Variants in SYNE1 observed in about 807,000 individuals in gnomAD.
SYNE1 encodes spectrin repeat containing nuclear envelope protein 1, also known as nesprin-1.
In SYNE1, 616 loss-of-function variants were observed where a neutral mutation model predicts 1,111.0. The ratio of observed to expected loss-of-function variants is 0.55; its 90% CI spans 0.52 to 0.59. The LOEUF (loss-of-function observed/expected upper bound fraction) is 0.59. SYNE1 is among the 20% of genes least tolerant of loss of function. The pLI is 0.00. For synonymous variants in SYNE1, 3,855 were observed against 3,825.8 expected (o/e 1.01, Z -0.28); for missense variants, 10,006 against 10,417.0 (o/e 0.96, Z 1.72).
intron 118 of SYNE1, 137 bp from the exon 119 acceptor site, chr6:152,221,183 G>T: frequency 8.8e-7 from 1 of 1,138,374 alleles, no homozygotes; most frequent in Non-Finnish European, 1.3e-6. Flanking sequence ...AAAAATTAAT[G>T]TTTCATATTC....
At chr6:152,234,893 G>A (rs1051049225) in intron 110 of SYNE1, 93 bp from the exon 111 acceptor site, 53 of 1,418,158 alleles carry the variant, frequency 3.7e-5, no homozygotes, top group South Asian at 2.3e-4. Flanking sequence ...GTTTTAAAAC[G>A]AGAGGTCTGA....
chr6:152,242,246 T>G lies in SYNE1; in HGVS notation c.19887A>C (p.Lys6629Asn). 6.2e-7 allele frequency: 1 copy of G among 1,613,920 alleles called. No homozygotes were observed. The highest frequency in any genetic ancestry group is 8.5e-7 in the Non-Finnish European group (1 of 1,179,816). ...SKEEIQQLLD[K>N]HKEYFQGLES... ...ACTCTTTTTTGTTATGTACCTTATG[T>G]TTGTCAAGTAGTTGCTGGATTTCCT... Residue 6629 changes from lysine to asparagine, a missense_variant, in exon 107 of 146, where the codon AAA becomes AAC. Physicochemically the swap from Lys to Asn is moderately conservative, Grantham distance 94. Around this residue, in one of 7 missense-constraint regions of SYNE1, gnomAD observed 2,182 missense variants for 2,287.8 expected, o/e 0.95. Transcript: ENST00000367255.
At position 152,453,731 on chromosome 6, in the gene SYNE1, A is replaced by G; in HGVS notation, c.2893-11T>C. ...CTGACTGAAAAACTCCTGACATGGA[A>G]GGGGAAAGTGGGTAAGAGTGTTGGA... On this transcript the variant is annotated splice_polypyrimidine_tract_variant and intron_variant, in intron 24 of 145. Transcript: ENST00000367255. 6.2e-7 allele frequency: 1 copy of G among 1,614,162 alleles called. No homozygotes were observed. Among genetic ancestry groups the G allele is most frequent in the Non-Finnish European group, 8.5e-7 (1 of 1,180,026 alleles).
chr6:152,303,985 C>CA (rs1036201404), intron 91 of SYNE1, among the ~76,000 whole-genome samples: 7 of 151,502 alleles, frequency 4.6e-5, no homozygotes, highest in Non-Finnish European at 8.8e-5. Context: ...CCGAGTGGAG[C>CA]AAAAAACAGT....
chr6:152,520,452 C>A lies in SYNE1; in HGVS notation c.309+7G>T. On this transcript the variant is annotated splice_region_variant and intron_variant, in intron 6 of 145. Transcript: ENST00000367255. ...CCTTGGGCATTTTGTTTTTGTTTCTCTCTTACCTTTCTTCCTTCGAGGAAC... is the reference window on the plus strand; with the variant it reads ...CCTTGGGCATTTTGTTTTTGTTTCTATCTTACCTTTCTTCCTTCGAGGAAC... 6.2e-7 allele frequency: 1 copy of A among 1,613,084 alleles called. No individual in the cohort carries two copies. The highest frequency in any genetic ancestry group is 8.5e-7 in the Non-Finnish European group (1 of 1,179,538).
chr6:152,611,414 T>C (rs1407576289), intron 3 of SYNE1, among the ~76,000 whole-genome samples: 1 of 152,084 alleles, frequency 6.6e-6, no homozygotes, highest in African/African-American at 2.4e-5. Context: ...CATTACATAA[T>C]GGTAAAGGGA....
chr6:152,409,569 GC>G lies in SYNE1; in HGVS notation c.6370del (p.Ala2124LeufsTer12). Reference sequence around the variant, plus strand: ...CATTTTGAATTTTACCTTGGAAAAAGCCCATTTAAGATCCTCCTGATCTTTT... The same window carrying G: ...CATTTTGAATTTTACCTTGGAAAAAGCCATTTAAGATCCTCCTGATCTTTT... ...TIKDQEDLKW[A>X]FSKHETAKNK... On this transcript the variant is annotated frameshift_variant, in exon 43 of 146. Transcript: ENST00000367255. LOFTEE classifies it high-confidence loss of function. 6.2e-7 allele frequency: 1 copy of G among 1,613,548 alleles called. No individual in the cohort carries two copies.
rs1055094474 is a variant in SYNE1 at position 152,145,693 on chromosome 6, G to A, written c.24977-1928C>T. ...ATAGCTCCTGAGCGCACAGAGGAGC[G>A]TGCAGGCTCACCAAAGCTTTCCTGA... On this transcript the variant is annotated intron_variant, in intron 137 of 145. Transcript: ENST00000367255. The A allele has an allele frequency of 5.5e-5, 42 of 757,122 alleles. 1 individual carries two copies. The highest frequency in any genetic ancestry group is 3.3e-4 in the Middle Eastern group (1 of 3,058). 46.9% of individuals were successfully genotyped at this position (757,122 alleles called of 1,614,324 possible).
chr6:152,597,541 C>T (rs1459782017), intron 3 of SYNE1, among the ~76,000 whole-genome samples: 1 of 152,154 alleles, frequency 6.6e-6, no homozygotes, highest in Non-Finnish European at 1.5e-5. Flanking sequence ...CATGCCTTGG[C>T]CTCCTATAGT....
At chr6:152,225,025 A>T (rs957276479) in intron 116 of SYNE1, among the ~76,000 whole-genome samples, 2 of 150,080 alleles carry the variant, frequency 1.3e-5, no homozygotes, top group Non-Finnish European at 3.0e-5. Context: ...TTAATAAAAC[A>T]GTTTAAGAAT....
At chr6:152,610,236 T>TA (rs1042876739) in intron 3 of SYNE1, among the ~76,000 whole-genome samples, 12 of 152,226 alleles carry the variant, frequency 7.9e-5, no homozygotes, top group African/African-American at 2.6e-4. Flanking sequence ...GCAAGGAAGC[T>TA]AAAAACCTTG....
At chr6:152,387,518 C>A (rs1348459824) in intron 53 of SYNE1, 137 bp from the exon 54 acceptor site, 21 of 812,604 alleles carry the variant, frequency 2.6e-5, no homozygotes, top group Non-Finnish European at 3.8e-5. Flanking sequence ...CTTTTGAGTG[C>A]AGGGAGAAAC....
intron 87 of SYNE1, chr6:152,311,094 G>A (rs2095532225): frequency 1.7e-6 from 1 of 587,276 alleles, no homozygotes; most frequent in East Asian, 3.0e-5. Context: ...ATGTGCAGAG[G>A]TCACATGTCA....
Position 152,130,711 on chromosome 6 carries a change from A to C in SYNE1, c.26153+9T>G. On this transcript the variant is annotated intron_variant, in intron 145 of 145. Transcript: ENST00000367255. ...CTAGAACAGTGTGGAAACCAGGAGAAGGAGGTACCTGCTATGTGGACTGCT... is the reference window on the plus strand; with the variant it reads ...CTAGAACAGTGTGGAAACCAGGAGACGGAGGTACCTGCTATGTGGACTGCT... The C allele has an allele frequency of 6.2e-7, 1 of 1,614,078 alleles. No homozygotes were observed. Among genetic ancestry groups the C allele is most frequent in the Non-Finnish European group, 8.5e-7 (1 of 1,179,934 alleles).
In SYNE1 at chr6:152,359,629, G is replaced by GGTGT. The variant is rs57095244; in HGVS notation, c.10300-175_10300-172dup. ...ACACAGATATGTGTGTGAATGCATG[G>GGTGT]GTGTGTGTGTGTGTGTGTGTGTGTA... On this transcript the variant is annotated intron_variant, in intron 64 of 145. Coordinates refer to ENST00000367255, the MANE Select transcript of SYNE1 (RefSeq NM_182961.4). Among the ~76,000 whole-genome samples the GGTGT allele has an allele frequency of 3.6e-3, 537 of 148,506 alleles. 2 individuals are homozygous for GGTGT. The highest frequency in any genetic ancestry group is 0.011 in the African/African-American group (452 of 40,620).
At chr6:152,200,904 C>A (rs551405165) in intron 127 of SYNE1, among the ~76,000 whole-genome samples, 356 of 152,234 alleles carry the variant, frequency 2.3e-3, no homozygotes, top group African/African-American at 8.4e-3. Context: ...AGAAAAAATT[C>A]TTATAGCCAC....
rs1429337293 is a variant in SYNE1 at position 152,346,487 on chromosome 6, CT to C, written c.12078+571del. 2.6e-5 allele frequency among the ~76,000 whole-genome samples: 4 copies of C among 152,092 alleles called. No homozygotes were observed. In the East Asian group the frequency reaches 7.7e-4, roughly 29 times the overall value. On this transcript the variant is annotated intron_variant, in intron 73 of 145. Coordinates refer to ENST00000367255, the MANE Select transcript of SYNE1 (RefSeq NM_182961.4). ...CGGCCCAAATCAACTTTTAACAAAC[CT>C]TTTCACAATCAACTCATGGAATAAA...
Position 152,221,323 on chromosome 6 carries a change from A to T in SYNE1, c.21656+103T>A, listed in dbSNP as rs1489542414. On this transcript the variant is annotated intron_variant, in intron 118 of 145. Transcript: ENST00000367255. ...TTGTGAAAGAGAAGTTTAAAGGAAT[A>T]GAATCTATATAGCTCAAATTCAAAC... 8 of 1,404,904 alleles carry T rather than the reference A, an allele frequency of 5.7e-6. No individual in the cohort carries two copies. The East Asian group carries it at 2.0e-4, about 34-fold the overall frequency. 87.0% of individuals were successfully genotyped at this position (1,404,904 alleles called of 1,614,324 possible).
chr6:152,369,545 C>T lies in SYNE1; in HGVS notation c.9577G>A (p.Glu3193Lys), dbSNP rs761121679. The change falls in exon 60 of 146, where the codon GAG (glutamate) becomes AAG (lysine). Residue 3193 changes from glutamate to lysine, a missense_variant. Glu to Lys is a moderately conservative substitution (Grantham distance 56). Transcript: ENST00000367255. ...TTGCTGCTTTCATGGACCATCTTCT[C>T]AGTTTTACTCAGCCAGTCCTGGATA... is the stretch of plus-strand genomic sequence containing the variant. ...EPIQDWLSKT[E>K]KMVHESSNRL... The T allele has an allele frequency of 8.1e-6, 13 of 1,614,098 alleles. No individual in the cohort carries two copies. The highest frequency in any genetic ancestry group is 5.5e-5 in the South Asian group (5 of 91,082).
Sources: gnomAD v4.1 joint callset for allele counts (sites outside exome capture counted in the v4.1 genomes callset) on GRCh38, gnomAD v4.1.1 for gene constraint, gnomAD v4.1.1 regional missense constraint, MANE v1.5 for transcripts, NCBI Gene and HGNC (gene_info 2026-07-23, HGNC 2026-07-21) for gene names.